FSTL5: variants seen among roughly 807,000 people sequenced by gnomAD.
FSTL5 encodes the protein follistatin-related protein 5.
FSTL5 carries 62 observed loss-of-function variants against 89.1 expected under a neutral mutation model. The observed-to-expected ratio is 0.70, with a 90% CI of 0.57 to 0.86. The LOEUF (loss-of-function observed/expected upper bound fraction) is 0.86, where lower values mean the gene tolerates loss of function less well. Ranked by LOEUF, FSTL5 falls within the 40% of genes least tolerant of loss-of-function variation. FSTL5 has a pLI of 0.00. For synonymous variants in FSTL5, 383 were observed against 346.2 expected (o/e 1.11, Z -1.18); for missense variants, 1,057 against 1,001.6 (o/e 1.06, Z -0.75).
intron 4 of FSTL5, among the ~76,000 whole-genome samples, chr4:161,819,934 T>TA (rs1025585811): frequency 5.9e-5 from 9 of 151,594 alleles, no homozygotes; most frequent in South Asian, 2.1e-4. Context: ...TGAGAAAAAG[T>TA]AAAAAAAAAT....
At chr4:161,474,839 T>C (rs1292360556) in intron 13 of FSTL5, among the ~76,000 whole-genome samples, 1 of 152,112 alleles carries the variant, frequency 6.6e-6, no homozygotes, top group Non-Finnish European at 1.5e-5. Flanking sequence ...GTCACTGTGC[T>C]CGGCCTGTGT....
At chr4:161,920,291 T>C in intron 4 of FSTL5, 113 bp downstream of exon 4, 1 of 1,046,342 alleles carries the variant, frequency 9.6e-7, no homozygotes, top group South Asian at 1.6e-5. Flanking sequence ...CTATTTTGTG[T>C]TTCTTTTCCT....
chr4:161,910,511 C>T (rs1414504952), intron 4 of FSTL5, among the ~76,000 whole-genome samples: 2 of 152,100 alleles, frequency 1.3e-5, no homozygotes, highest in African/African-American at 4.8e-5. Flanking sequence ...CATACATTAA[C>T]AAGGAGATTC....
intron 4 of FSTL5, among the ~76,000 whole-genome samples, chr4:161,918,118 C>G (rs1444597592): frequency 6.6e-6 from 1 of 152,122 alleles, no homozygotes; most frequent in Non-Finnish European, 1.5e-5. Flanking sequence ...ATATAATTCA[C>G]AATTATAAAA....
At chr4:161,727,661 G>T (rs1435709450) in intron 6 of FSTL5, among the ~76,000 whole-genome samples, 1 of 152,050 alleles carries the variant, frequency 6.6e-6, no homozygotes, top group South Asian at 2.1e-4. Flanking sequence ...CCTAATATAA[G>T]CTATATTTTC....
chr4:161,394,061 T>C (rs1417962695), intron 15 of FSTL5, among the ~76,000 whole-genome samples: 2 of 152,162 alleles, frequency 1.3e-5, no homozygotes, highest in Non-Finnish European at 2.9e-5. Context: ...TGTATAGAGC[T>C]ACATGGAGTG....
intron 14 of FSTL5, among the ~76,000 whole-genome samples, chr4:161,457,869 T>A (rs909173663): frequency 1.3e-5 from 2 of 152,210 alleles, no homozygotes; most frequent in Non-Finnish European, 2.9e-5. Context: ...AAGATTGTGC[T>A]TTTTCAATCA....
chr4:162,123,545 G>A (rs1373035840), intron 1 of FSTL5, among the ~76,000 whole-genome samples: 2 of 152,126 alleles, frequency 1.3e-5, no homozygotes, highest in Admixed American at 6.5e-5. Flanking sequence ...GGAAAGTGGA[G>A]AGTAAACTAT....
At chr4:161,471,663 A>C (rs570361753) in intron 13 of FSTL5, among the ~76,000 whole-genome samples, 1 of 152,220 alleles carries the variant, frequency 6.6e-6, no homozygotes. Context: ...AAAATTCAGC[A>C]GTGACATCAT....
intron 2 of FSTL5, among the ~76,000 whole-genome samples, chr4:162,097,729 C>T (rs766981745): frequency 1.3e-4 from 19 of 151,786 alleles, no homozygotes; most frequent in Non-Finnish European, 2.7e-4. Flanking sequence ...CTCAAAGTCA[C>T]TAGTTAACAA....
intron 3 of FSTL5, among the ~76,000 whole-genome samples, chr4:161,969,518 A>C (rs1413556461): frequency 6.6e-6 from 1 of 152,186 alleles, no homozygotes; most frequent in South Asian, 2.1e-4. Flanking sequence ...TTTTGGAAAA[A>C]AAATCAAGTT....
intron 1 of FSTL5, among the ~76,000 whole-genome samples, chr4:162,135,113 T>C (rs1732473401): frequency 6.6e-6 from 1 of 152,168 alleles, no homozygotes; most frequent in Non-Finnish European, 1.5e-5. Flanking sequence ...GTTCTCCACT[T>C]AATTAGCTCA....
At chr4:161,781,629 T>C (rs145679622) in intron 4 of FSTL5, among the ~76,000 whole-genome samples, 63 of 152,240 alleles carry the variant, frequency 4.1e-4, no homozygotes, top group African/African-American at 1.3e-3. Context: ...CCAGAACTTA[T>C]AGAGTTCCAA....
At chr4:161,801,867 T>C (rs1729805973) in intron 4 of FSTL5, among the ~76,000 whole-genome samples, 1 of 151,634 alleles carries the variant, frequency 6.6e-6, no homozygotes, top group African/African-American at 2.4e-5. Context: ...TCTCTATTAC[T>C]ACTATGCTTC....
chr4:161,621,267 T>TACACAC lies in FSTL5; in HGVS notation c.895-33698_895-33693dup, dbSNP rs146037793. 8.6e-3 allele frequency among the ~76,000 whole-genome samples: 1,261 copies of TACACAC among 146,162 alleles called. 14 individuals carry two copies. The highest frequency in any genetic ancestry group is 0.037 in the South Asian group (167 of 4,474). Reference sequence around the variant, plus strand: ...AGTAGGGATATGGGGATGTAAAGACTACACACACACACACACACACACACA... The same window carrying TACACAC: ...AGTAGGGATATGGGGATGTAAAGACTACACACACACACACACACACACACACACACA... On this transcript the variant is annotated intron_variant, in intron 7 of 15. Transcript: ENST00000306100.
intron 7 of FSTL5, among the ~76,000 whole-genome samples, chr4:161,641,314 C>T (rs1466362914): frequency 2.0e-5 from 3 of 152,100 alleles, no homozygotes; most frequent in African/African-American, 2.4e-5. Context: ...CTCCACATTT[C>T]GTTTTCCATA....
At chr4:161,573,950 T>C (rs149655407) in intron 8 of FSTL5, among the ~76,000 whole-genome samples, 3 of 152,198 alleles carry the variant, frequency 2.0e-5, no homozygotes, top group Admixed American at 2.0e-4. Context: ...GTAGAGTTAG[T>C]TGGGTTTGGA....
At chr4:161,953,491 T>C (rs1001925682) in intron 3 of FSTL5, among the ~76,000 whole-genome samples, 1 of 151,670 alleles carries the variant, frequency 6.6e-6, no homozygotes, top group African/African-American at 2.4e-5. Flanking sequence ...ATATAGAAGA[T>C]ACATAATAGA....
chr4:161,897,924 T>C (rs1458929609), intron 4 of FSTL5, among the ~76,000 whole-genome samples: 1 of 151,860 alleles, frequency 6.6e-6, no homozygotes, highest in Non-Finnish European at 1.5e-5. Flanking sequence ...GTGATCTCCT[T>C]ACTGTCTCAA....
Sources: allele counts gnomAD v4.1 joint callset (sites outside exome capture counted in the v4.1 genomes callset), GRCh38; gene constraint gnomAD v4.1.1; transcripts MANE v1.5; gene names NCBI Gene and HGNC (gene_info 2026-07-23, HGNC 2026-07-21).